NR1H4: variants seen among roughly 807,000 people sequenced by gnomAD.
The protein encoded by NR1H4 is bile acid receptor.
A neutral mutation model predicts 58.5 loss-of-function variants in NR1H4; 23 were observed. That is an observed-to-expected ratio of 0.39 (90% CI 0.28 to 0.56). NR1H4 has a LOEUF of 0.56. Ranked by LOEUF, NR1H4 falls within the 20% of genes least tolerant of loss-of-function variation. The pLI, the probability that NR1H4 is intolerant of heterozygous loss-of-function variation, is 0.58. For synonymous variants in NR1H4, 214 were observed against 198.0 expected, an observed-to-expected ratio of 1.08 and a Z score of -0.68; for missense variants, 487 against 576.9, an observed-to-expected ratio of 0.84 and a Z score of 1.60.
intron 3 of NR1H4, chr12:100,500,113 G>C: frequency 2.8e-6 from 1 of 354,038 alleles, no homozygotes; most frequent in Non-Finnish European, 5.6e-6. Flanking sequence ...TAATTAGTAA[G>C]TAGGCAACTG....
chr12:100,509,253 C>A (rs889704522), intron 3 of NR1H4, among the ~76,000 whole-genome samples: 1 of 152,176 alleles, frequency 6.6e-6, no homozygotes, highest in Admixed American at 6.5e-5. Flanking sequence ...TCTGACAACA[C>A]TTTGAAGAGT....
intron 9 of NR1H4, among the ~76,000 whole-genome samples, chr12:100,552,439 C>T (rs980188383): frequency 6.6e-6 from 1 of 152,128 alleles, no homozygotes; most frequent in Admixed American, 6.5e-5. Context: ...AGGACATAGT[C>T]CAATCTCTTA....
intron 9 of NR1H4, among the ~76,000 whole-genome samples, chr12:100,557,924 A>T (rs1463383635): frequency 6.6e-6 from 1 of 152,190 alleles, no homozygotes; most frequent in Non-Finnish European, 1.5e-5. Flanking sequence ...TTAATCCATA[A>T]GTCACATCAC....
intron 3 of NR1H4, among the ~76,000 whole-genome samples, chr12:100,509,099 C>T (rs940149328): frequency 9.9e-5 from 15 of 152,160 alleles, no homozygotes; most frequent in African/African-American, 3.4e-4. Flanking sequence ...TATCATCTCA[C>T]TCAATCCTCA....
intron 9 of NR1H4, among the ~76,000 whole-genome samples, chr12:100,559,519 A>G (rs1593140706): frequency 6.6e-6 from 1 of 152,092 alleles, no homozygotes; most frequent in South Asian, 2.1e-4. Flanking sequence ...GGGACTTAGC[A>G]CCCGGGCCAG....
At chr12:100,518,034 A>G (rs1421385642) in intron 4 of NR1H4, among the ~76,000 whole-genome samples, 2 of 152,242 alleles carry the variant, frequency 1.3e-5, no homozygotes, top group African/African-American at 4.8e-5. Flanking sequence ...CAGTCCGTTT[A>G]GCTGTTAAAG....
At chr12:100,530,544 A>G (rs1415264923) in intron 4 of NR1H4, among the ~76,000 whole-genome samples, 1 of 152,222 alleles carries the variant, frequency 6.6e-6, no homozygotes, top group Non-Finnish European at 1.5e-5. Context: ...TCTGGCAGAA[A>G]TTTCACAGTG....
At chr12:100,498,990 G>A (rs1953775489) in intron 3 of NR1H4, among the ~76,000 whole-genome samples, 1 of 152,090 alleles carries the variant, frequency 6.6e-6, no homozygotes. Flanking sequence ...GAGTGCAGTG[G>A]CACAATCAGA....
At chr12:100,476,097 C>T in intron 1 of NR1H4, among the ~76,000 whole-genome samples, 1 of 152,066 alleles carries the variant, frequency 6.6e-6, no homozygotes, top group East Asian at 1.9e-4. Flanking sequence ...ACAAGTGACC[C>T]GTCCACAGGC....
intron 1 of NR1H4, among the ~76,000 whole-genome samples, chr12:100,480,394 A>G (rs1953353484): frequency 6.6e-6 from 1 of 152,204 alleles, no homozygotes; most frequent in African/African-American, 2.4e-5. Context: ...CACATAGCTA[A>G]AGAGACCAAC....
intron 1 of NR1H4, among the ~76,000 whole-genome samples, chr12:100,487,184 G>A (rs1380693401): frequency 1.3e-5 from 2 of 152,172 alleles, no homozygotes; most frequent in African/African-American, 2.4e-5. Context: ...AGTGGGTGAT[G>A]CTAATAAAGG....
chr12:100,502,779 A>G (rs1393375759), intron 3 of NR1H4, among the ~76,000 whole-genome samples: 1 of 152,186 alleles, frequency 6.6e-6, no homozygotes, highest in East Asian at 1.9e-4. Flanking sequence ...ATTTTGTCTT[A>G]CATGGTGGTA....
At chr12:100,492,960 G>T (rs1265843630) in intron 2 of NR1H4, among the ~76,000 whole-genome samples, 1 of 151,374 alleles carries the variant, frequency 6.6e-6, no homozygotes, top group Non-Finnish European at 1.5e-5. Context: ...TTCTAATAAA[G>T]ACATAGTCAA....
At chr12:100,519,547 T>G (rs1412750484) in intron 4 of NR1H4, among the ~76,000 whole-genome samples, 1 of 152,012 alleles carries the variant, frequency 6.6e-6, no homozygotes, top group African/African-American at 2.4e-5. Flanking sequence ...TCAGCTCAGG[T>G]GGGTGGGTTC....
chr12:100,501,675 G>T (rs1306757582), intron 3 of NR1H4, among the ~76,000 whole-genome samples: 3 of 152,194 alleles, frequency 2.0e-5, no homozygotes, highest in Non-Finnish European at 4.4e-5. Context: ...GAAGGCTATA[G>T]AAATGTCTTA....
intron 9 of NR1H4, among the ~76,000 whole-genome samples, chr12:100,552,669 TC>T (rs1955228782): frequency 6.6e-6 from 1 of 152,138 alleles, no homozygotes; most frequent in Non-Finnish European, 1.5e-5. Context: ...ACTCCCATAA[TC>T]CCAACATTTA....
At chr12:100,493,923 A>G (rs1190270973) in intron 3 of NR1H4, among the ~76,000 whole-genome samples, 1 of 152,224 alleles carries the variant, frequency 6.6e-6, no homozygotes, top group African/African-American at 2.4e-5. Context: ...CTGTAACTAG[A>G]TGATACCATA....
At chr12:100,503,384 A>T in intron 3 of NR1H4, 1 of 1,596,208 alleles carries the variant, frequency 6.3e-7, no homozygotes, top group South Asian at 1.1e-5. Context: ...TGAATAAGCT[A>T]AGAATGGTAA....
chr12:100,545,283 G>A (rs555939701), intron 9 of NR1H4, among the ~76,000 whole-genome samples: 214 of 152,062 alleles, frequency 1.4e-3, no homozygotes, highest in Non-Finnish European at 2.8e-3. Context: ...TCAGCTAAAA[G>A]GGGAAAAATA....
Sources: gnomAD v4.1 joint callset for allele counts (sites outside exome capture counted in the v4.1 genomes callset) on GRCh38, gnomAD v4.1.1 for gene constraint, MANE v1.5 for transcripts, NCBI Gene and HGNC (gene_info 2026-07-23, HGNC 2026-07-21) for gene names.